The following ALDH8A1 variants were observed in gnomAD, a reference collection of about 807,000 sequenced individuals.
The protein encoded by ALDH8A1 is 2-aminomuconic semialdehyde dehydrogenase.
ALDH8A1 carries 39 observed loss-of-function variants against 43.3 expected under a neutral mutation model. That is an observed-to-expected ratio of 0.90 (90% CI 0.70 to 1.18). The LOEUF is 1.18. Among genes scored for constraint, ALDH8A1 ranks in the 50% most tolerant of loss-of-function variants. ALDH8A1 has a pLI of 0.00. For synonymous variants in ALDH8A1, 233 were observed against 243.5 expected (o/e 0.96, Z 0.40); for missense variants, 605 against 622.6 (o/e 0.97, Z 0.30).
intron 4 of ALDH8A1, among the ~76,000 whole-genome samples, chr6:134,938,106 C>T (rs1475626726): frequency 2.0e-5 from 3 of 152,210 alleles, no homozygotes; most frequent in Non-Finnish European, 4.4e-5. Context: ...GACTCTTACC[C>T]ACCGGGCATT....
At chr6:134,933,965 T>C (rs560798792) in intron 4 of ALDH8A1, among the ~76,000 whole-genome samples, 157 of 152,324 alleles carry the variant, frequency 1.0e-3, no homozygotes, top group African/African-American at 3.7e-3. Context: ...CACCTCGGCC[T>C]GCCAAAGTAC....
intron 3 of ALDH8A1, chr6:134,940,193 C>T: frequency 2.8e-6 from 1 of 361,498 alleles, no homozygotes; most frequent in East Asian, 8.8e-5. Flanking sequence ...ATGTAACAAA[C>T]CTGCACGTCC....
chr6:134,944,393 TGTC>T (rs1773916738), intron 1 of ALDH8A1, among the ~76,000 whole-genome samples: 1 of 152,050 alleles, frequency 6.6e-6, no homozygotes, highest in Admixed American at 6.5e-5. Context: ...ATATTCAACA[TGTC>T]CCAGTGCTGA....
intron 1 of ALDH8A1, among the ~76,000 whole-genome samples, chr6:134,948,380 G>A (rs1583039772): frequency 6.6e-6 from 1 of 152,184 alleles, no homozygotes; most frequent in South Asian, 2.1e-4. Context: ...AAAAGATTTG[G>A]AATGTTCCCA....
chr6:134,944,034 G>A (rs1773909168), intron 1 of ALDH8A1, 68 bp from the exon 2 acceptor site: 2 of 1,523,866 alleles, frequency 1.3e-6, no homozygotes, highest in Middle Eastern at 1.9e-4. Flanking sequence ...GACAAAACCA[G>A]AATCCTCAGG....
intron 6 of ALDH8A1, among the ~76,000 whole-genome samples, chr6:134,927,752 G>A (rs58408451): frequency 3.5e-4 from 53 of 152,228 alleles, no homozygotes; most frequent in African/African-American, 1.2e-3. Flanking sequence ...CCTGCTGAAA[G>A]GTACTCTAGG....
At chr6:134,940,501 G>A (rs1013619634) in intron 3 of ALDH8A1, among the ~76,000 whole-genome samples, 2 of 152,182 alleles carry the variant, frequency 1.3e-5, no homozygotes, top group Admixed American at 6.5e-5. Context: ...CCTCCTATCA[G>A]TAAAGCCAAT....
chr6:134,918,284 G>A lies in ALDH8A1; in HGVS notation c.*131C>T. 2.4e-6 allele frequency: 2 copies of A among 820,848 alleles called. No individual in the cohort carries two copies. Among genetic ancestry groups the A allele is most frequent in the Middle Eastern group, 3.2e-4 (1 of 3,094 alleles). The allele number at this position is 820,848 out of a possible 1,614,324, so 50.8% of individuals were successfully genotyped here. A position where few individuals can be genotyped will look rare whatever the true frequency, so the allele number is the denominator to read the frequency against. ...GTGGGTAAAGTTACTAAGAACTGAG[G>A]ATAAGCTAGAGATAACCTTCTGCCA... On this transcript the variant is annotated 3_prime_UTR_variant, in exon 7 of 7. Coordinates refer to ENST00000265605, the MANE Select transcript of ALDH8A1 (RefSeq NM_022568.4).
At chr6:134,920,464 C>T (rs1776780453) in intron 6 of ALDH8A1, among the ~76,000 whole-genome samples, 1 of 152,156 alleles carries the variant, frequency 6.6e-6, no homozygotes, top group African/African-American at 2.4e-5. Flanking sequence ...TGTCCAGAGG[C>T]CCTGCTGGGA....
At chr6:134,929,530 G>A (rs183958056) in intron 5 of ALDH8A1, among the ~76,000 whole-genome samples, 10 of 152,296 alleles carry the variant, frequency 6.6e-5, no homozygotes, top group Admixed American at 6.5e-4. Context: ...GTCTTGGAGG[G>A]CACTTGCAAA....
chr6:134,947,571 A>G (rs1773974812), intron 1 of ALDH8A1, among the ~76,000 whole-genome samples: 1 of 152,134 alleles, frequency 6.6e-6, no homozygotes, highest in Non-Finnish European at 1.5e-5. Context: ...AATCCAATTT[A>G]AAAACGGGCA....
In ALDH8A1 at chr6:134,943,803, A is replaced by C; in HGVS notation, c.286+16T>G. 2 of 1,613,056 alleles carry C rather than the reference A, an allele frequency of 1.2e-6. No homozygotes were observed. The highest frequency in any genetic ancestry group is 1.7e-6 in the Non-Finnish European group (2 of 1,179,404). On this transcript the variant is annotated intron_variant, in intron 2 of 6. Transcript: ENST00000265605. ...ATGCCCTGAGTCCCATGTTACAGTT[A>C]AGAGGCAACTCTCACCTTGGTCTTT... is the stretch of plus-strand genomic sequence containing the variant.
At chr6:134,930,592 T>A (rs1156775994) in intron 5 of ALDH8A1, among the ~76,000 whole-genome samples, 1 of 152,262 alleles carries the variant, frequency 6.6e-6, no homozygotes, top group Non-Finnish European at 1.5e-5. Flanking sequence ...GATTAAACTG[T>A]TAATGTTTTG....
In ALDH8A1 at chr6:134,943,465, G is replaced by T. The variant is rs117285845; in HGVS notation, c.286+354C>A. ...AATTATCTTTGCTTTGAAATTCTCTGCTTAGAATGAGTAGGAGACTGCATG... is the reference window on the plus strand; with the variant it reads ...AATTATCTTTGCTTTGAAATTCTCTTCTTAGAATGAGTAGGAGACTGCATG... On this transcript the variant is annotated intron_variant, in intron 2 of 6. Transcript: ENST00000265605. Among the ~76,000 whole-genome samples, 69 of 152,300 alleles carry T rather than the reference G, an allele frequency of 4.5e-4. No individual in the cohort carries two copies. The East Asian group carries it at 0.01, about 23-fold the overall frequency.
rs754433783 is a variant in ALDH8A1, at chr6:134,929,132, G to A, written c.933C>T (p.Thr311=). ...AGGGAATGCCGACTTTCCACTTTCT[G>A]GTAGCTTCTACAAATCTCTTTAAAA... ...SEFLKRFVEA[T]RKWKVGIPSD... is the part of the protein sequence containing the mutation. The change falls in exon 6 of 7, where the codon ACC becomes ACT. Residue 311 remains threonine, a synonymous_variant. Coordinates refer to ENST00000265605, the MANE Select transcript of ALDH8A1 (RefSeq NM_022568.4). 2.5e-6 allele frequency: 4 copies of A among 1,614,026 alleles called. No individual in the cohort carries two copies. In the African/African-American group the frequency reaches 5.3e-5, roughly 22 times the overall value.
intron 6 of ALDH8A1, among the ~76,000 whole-genome samples, chr6:134,927,307 A>AAAGAAG (rs530045910): frequency 2.7e-5 from 4 of 147,886 alleles, no homozygotes; most frequent in African/African-American, 5.3e-5. Flanking sequence ...GTTAAAAAAG[A>AAAGAAG]AAGAAGAAGA....
chr6:134,930,935 G>A (rs1455656099), intron 5 of ALDH8A1, among the ~76,000 whole-genome samples: 1 of 152,136 alleles, frequency 6.6e-6, no homozygotes, highest in Non-Finnish European at 1.5e-5. Context: ...AGCTTTTCCA[G>A]TTTACAGGTA....
chr6:134,929,294 C>T, intron 5 of ALDH8A1, 79 bp from the exon 6 acceptor site: 1 of 1,492,642 alleles, frequency 6.7e-7, no homozygotes, highest in East Asian at 2.3e-5. Flanking sequence ...TGAGTACCTG[C>T]CATGTATCAG....
In ALDH8A1 at chr6:134,917,700, A is replaced by T. The variant is rs1170409071; in HGVS notation, c.*715T>A. 6.6e-6 allele frequency: 1 copy of T among 152,218 alleles called. No homozygotes were observed. The highest frequency in any genetic ancestry group is 2.4e-5 in the African/African-American group (1 of 41,448). The allele number at this position is 152,218 out of a possible 1,614,324, so 9.4% of individuals were successfully genotyped here. A position where few individuals can be genotyped will look rare whatever the true frequency, so the allele number is the denominator to read the frequency against. ...AATTAGCCATGCTAGTGGCTAATAG[A>T]CAAGGAGATTATCTCCATAATCTCT... On this transcript the variant is annotated 3_prime_UTR_variant, in exon 7 of 7. Transcript: ENST00000265605.
Sources: gnomAD v4.1 joint callset for allele counts (sites outside exome capture counted in the v4.1 genomes callset) on GRCh38, gnomAD v4.1.1 for gene constraint, MANE v1.5 for transcripts, NCBI Gene and HGNC (gene_info 2026-07-23, HGNC 2026-07-21) for gene names.